Variants in RBM10 observed in about 807,000 individuals in gnomAD.
RBM10 encodes the protein RNA-binding protein 10.
Under a neutral mutation model 84.9 loss-of-function variants are expected in RBM10, and 1 was observed. That is an observed-to-expected ratio of 0.01 (90% confidence interval 0.00 to 0.06). RBM10 has a LOEUF of 0.06. RBM10 is among the 10% of genes least tolerant of loss of function. RBM10 has a pLI of 1.00. For missense variants in RBM10, 438 were observed against 839.0 expected (o/e 0.52, Z 5.90); for synonymous variants, 326 against 344.5 (o/e 0.95, Z 0.60).
intron 6 of RBM10, among the ~76,000 whole-genome samples, 177 bp downstream of exon 6, chrX:47,175,269 C>T (rs1935051794): frequency 9.4e-6 from 1 of 106,334 alleles, no homozygotes; most frequent in African/African-American, 3.5e-5. Context: ...TCTCGCTACC[C>T]CACTGGGCTT....
At chrX:47,156,045 G>GC (rs1556765128) in intron 2 of RBM10, among the ~76,000 whole-genome samples, 1 of 109,646 alleles carries the variant, frequency 9.1e-6, no homozygotes, top group East Asian at 2.9e-4. Context: ...CCGACCTCAG[G>GC]TGATCTGCCT....
At chrX:47,182,453 T>C in intron 17 of RBM10, 127 bp downstream of exon 17, 1 of 970,208 alleles carries the variant, frequency 1.0e-6, no homozygotes, top group South Asian at 2.1e-5. Context: ...CAGTGACTGC[T>C]TAGCAGACCA....
In RBM10 at chrX:47,169,323, G is replaced by A. The variant is rs2147127515; in HGVS notation, c.26G>A (p.Arg9His). 8.3e-7 allele frequency: 1 copy of A among 1,207,248 alleles called. No individual in the cohort carries two copies. Among genetic ancestry groups the A allele is most frequent in the Non-Finnish European group, 1.1e-6 (1 of 892,107 alleles). MEYERRGG[R>H]GDRTGRYGAT... ...CCTTCTTCCTCCACTAGTGGTGGTC[G>A]TGGTGACAGGACTGGCCGCTATGGA... Residue 9 changes from arginine (R) to histidine (H), a missense_variant, in exon 3 of 24, where the codon CGT becomes CAT. Coordinates refer to ENST00000377604, the MANE Select transcript of RBM10 (RefSeq NM_005676.5).
chrX:47,145,257 T>A lies in RBM10; in HGVS notation c.-354T>A. On this transcript the variant is annotated 5_prime_UTR_variant, in exon 1 of 24. Transcript: ENST00000377604. The stretch of plus-strand genomic sequence containing the variant: ...GGTGGTCGGAGCGCCGACTCCCTTC[T>A]CGTCGTCGCCATTTTGAGCTGGTGA... 1 of 492,511 alleles carries A rather than the reference T, an allele frequency of 2.0e-6. No individual in the cohort carries two copies. The highest frequency in any genetic ancestry group is 3.7e-5 in the East Asian group (1 of 27,039). The allele number at this position is 492,511 out of a possible 1,213,427, so 40.6% of individuals were successfully genotyped here. A position where few individuals can be genotyped will look rare whatever the true frequency, so the allele number is the denominator to read the frequency against.
intron 2 of RBM10, among the ~76,000 whole-genome samples, chrX:47,149,817 ATT>A (rs1219884284): frequency 5.8e-5 from 5 of 86,036 alleles, no homozygotes; most frequent in Non-Finnish European, 4.6e-5. Flanking sequence ...TGCTAGCATC[ATT>A]TTTTTTTTTT....
At chrX:47,148,269 C>T (rs925333458) in intron 2 of RBM10, among the ~76,000 whole-genome samples, 7 of 112,327 alleles carry the variant, frequency 6.2e-5, no homozygotes, top group African/African-American at 9.7e-5. Flanking sequence ...AGGTCATCAC[C>T]TAGTGTTATT....
At chrX:47,174,665 C>T (rs782316052) in intron 5 of RBM10, among the ~76,000 whole-genome samples, 4 of 110,465 alleles carry the variant, frequency 3.6e-5, no homozygotes, top group East Asian at 2.9e-4. Flanking sequence ...GCAGATCTCT[C>T]GTATTCTTTC....
Position 47,145,434 on chromosome X carries a change from G to A in RBM10, c.-177G>A. On this transcript the variant is annotated 5_prime_UTR_variant, in exon 1 of 24. Transcript: ENST00000377604. ...GCTGGGAGAGTTGGAGGAGGTGGCG[G>A]CGGGCAGAGGTGATGTCTGGGAGCC... The A allele has an allele frequency of 1.7e-6, 2 of 1,154,431 alleles. No individual in the cohort carries two copies. The highest frequency in any genetic ancestry group is 2.3e-6 in the Non-Finnish European group (2 of 872,071).
intron 2 of RBM10, among the ~76,000 whole-genome samples, 185 bp downstream of exon 2, chrX:47,147,683 GC>G (rs1179642614): frequency 1.8e-5 from 2 of 110,598 alleles, no homozygotes; most frequent in African/African-American, 6.5e-5. Context: ...CTCTGATAGT[GC>G]AGTGATGAAT....
chrX:47,184,988 G>A (rs2147208549), intron 17 of RBM10, 67 bp from the exon 18 acceptor site: 1 of 1,132,780 alleles, frequency 8.8e-7, no homozygotes, highest in South Asian at 1.9e-5. Flanking sequence ...CAGTGGGTCA[G>A]CAGATAGAGT....
intron 2 of RBM10, among the ~76,000 whole-genome samples, chrX:47,152,441 CTTTT>C (rs782688935): frequency 3.1e-5 from 2 of 65,229 alleles, no homozygotes; most frequent in African/African-American, 1.4e-4. Context: ...CACTCTATAT[CTTTT>C]TTTTTTTTTT....
At chrX:47,170,201 C>T (rs1569183871) in intron 3 of RBM10, among the ~76,000 whole-genome samples, 1 of 113,469 alleles carries the variant, frequency 8.8e-6, no homozygotes, top group Non-Finnish European at 1.9e-5. Flanking sequence ...CTGTGAGCTG[C>T]CCACTGCCCT....
At chrX:47,177,382 C>CT (rs1439828112) in intron 7 of RBM10, among the ~76,000 whole-genome samples, 2 of 111,902 alleles carry the variant, frequency 1.8e-5, no homozygotes, top group East Asian at 5.6e-4. Context: ...ATCACAGGGA[C>CT]TTGGATGCCA....
Position 47,169,387 on chromosome X carries a change from C to T in RBM10, c.90C>T (p.Arg30=). Residue 30 remains arginine, a synonymous_variant, in exon 3 of 24, where the codon CGC becomes CGT. Coordinates refer to ENST00000377604, the MANE Select transcript of RBM10 (RefSeq NM_005676.5). ...DRSQDDGGEN[R]SRDHDYRDMD... ...CGCAGGATGATGGTGGGGAGAACCGCAGCCGAGACCACGACTACCGGGACA... is the reference window on the plus strand; with the variant it reads ...CGCAGGATGATGGTGGGGAGAACCGTAGCCGAGACCACGACTACCGGGACA... 1 of 1,211,792 alleles carries T rather than the reference C, an allele frequency of 8.3e-7. No individual in the cohort carries two copies. Among genetic ancestry groups the T allele is most frequent in the Non-Finnish European group, 1.1e-6 (1 of 895,339 alleles).
rs1556778129 is a variant in RBM10, at chrX:47,179,890, G to A, written c.912G>A (p.Leu304=). 1 of 1,207,318 alleles carries A rather than the reference G, an allele frequency of 8.3e-7. No homozygotes were observed. ...SSENANDTII[L]RNLNPHSTMD... Reference sequence around the variant, plus strand: ...GGCCCCTTCCCACAGCCATCATTTTGCGCAACCTGAACCCACACAGCACCA... The same window carrying A: ...GGCCCCTTCCCACAGCCATCATTTTACGCAACCTGAACCCACACAGCACCA... Residue 304 remains leucine, a synonymous_variant, in exon 10 of 24, where the codon TTG becomes TTA. Transcript: ENST00000377604.
At chrX:47,175,938 G>A (rs781948120) in intron 6 of RBM10, among the ~76,000 whole-genome samples, 3 of 112,638 alleles carry the variant, frequency 2.7e-5, no homozygotes, top group East Asian at 5.6e-4. Context: ...GATCCCGGCA[G>A]AGGCAGCCCT....
At chrX:47,183,415 G>C (rs1556780739) in intron 17 of RBM10, among the ~76,000 whole-genome samples, 2 of 110,636 alleles carry the variant, frequency 1.8e-5, no homozygotes, top group Admixed American at 1.9e-4. Flanking sequence ...CGGCTACTCA[G>C]GAAGCTGAGG....
At chrX:47,178,938 A>G (rs1935330882) in intron 7 of RBM10, among the ~76,000 whole-genome samples, 165 bp from the exon 8 acceptor site, 2 of 111,901 alleles carry the variant, frequency 1.8e-5, no homozygotes, top group Non-Finnish European at 3.8e-5. Context: ...GAAGATGCAC[A>G]GTACTGAGAA....
chrX:47,155,812 CTTT>C (rs1304134924), intron 2 of RBM10, among the ~76,000 whole-genome samples: 1 of 80,854 alleles, frequency 1.2e-5, no homozygotes, highest in Admixed American at 1.4e-4. Flanking sequence ...TTCTTTCTTT[CTTT>C]TTTTTTTTTT....
Sources: allele counts gnomAD v4.1 joint callset (sites outside exome capture counted in the v4.1 genomes callset), GRCh38; gene constraint gnomAD v4.1.1; transcripts MANE v1.5; gene names NCBI Gene and HGNC (gene_info 2026-07-23, HGNC 2026-07-21).